Variants in SRSF11 observed in about 807,000 individuals in gnomAD.
The protein encoded by SRSF11 is serine/arginine-rich splicing factor 11.
Under a neutral mutation model 56.0 loss-of-function variants are expected in SRSF11, and 9 were observed. The observed-to-expected ratio is 0.16, with a 90% CI of 0.10 to 0.28. The LOEUF is 0.28. SRSF11 is among the 10% of genes least tolerant of loss of function. The pLI, the probability that SRSF11 is intolerant of heterozygous loss-of-function variation, is 1.00. For missense variants in SRSF11, 421 were observed against 600.7 expected, an observed-to-expected ratio of 0.70 and a Z score of 3.13; for synonymous variants, 222 against 215.3, an observed-to-expected ratio of 1.03 and a Z score of -0.27.
chr1:70,208,525 G>T (rs909499856), intron 1 of SRSF11, among the ~76,000 whole-genome samples: 11 of 152,092 alleles, frequency 7.2e-5, no homozygotes, highest in Non-Finnish European at 1.6e-4. Context: ...TTTAGCAGAG[G>T]CAGGGTTTCG....
At chr1:70,228,979 T>C in intron 2 of SRSF11, 2 of 983,682 alleles carry the variant, frequency 2.0e-6, no homozygotes, top group Non-Finnish European at 2.4e-6. Context: ...TCTTAAAGCT[T>C]CCTCACATTG....
At chr1:70,212,672 C>T (rs1266550007) in intron 1 of SRSF11, among the ~76,000 whole-genome samples, 4 of 152,148 alleles carry the variant, frequency 2.6e-5, no homozygotes, top group Admixed American at 1.3e-4. Context: ...TGGTATAATT[C>T]ATATCTTTAA....
chr1:70,226,842 A>G (rs1016232384), intron 1 of SRSF11, among the ~76,000 whole-genome samples: 12 of 152,212 alleles, frequency 7.9e-5, no homozygotes, highest in African/African-American at 2.9e-4. Context: ...CATTTCTTTA[A>G]GGAGAAATTG....
At chr1:70,230,688 C>A in intron 2 of SRSF11, 1 of 1,230,840 alleles carries the variant, frequency 8.1e-7, no homozygotes, top group Non-Finnish European at 1.0e-6. Context: ...ATCAGAGGAT[C>A]AGATGCATGA....
rs929788962 is a variant in SRSF11 at position 70,229,010 on chromosome 1, A to C, written c.337+455A>C. The stretch of plus-strand genomic sequence containing the variant: ...CATTGATAATCTGGAAAAAAAAAAA[A>C]CACATTGAATTTCAGTATACCAAGG... On this transcript the variant is annotated intron_variant, in intron 2 of 11. Transcript: ENST00000370949. 22 of 980,038 alleles carry C rather than the reference A, an allele frequency of 2.2e-5. No homozygotes were observed. In the South Asian group the frequency reaches 4.3e-4, roughly 19 times the overall value. The allele number at this position is 980,038 out of a possible 1,614,324, so 60.7% of individuals were successfully genotyped here.
chr1:70,239,642 A>G, intron 7 of SRSF11, 122 bp downstream of exon 7: 1 of 666,348 alleles, frequency 1.5e-6, no homozygotes, highest in Middle Eastern at 4.3e-4. Context: ...CTCTGCTGTT[A>G]GAATGTGTGA....
At chr1:70,221,977 G>C in intron 1 of SRSF11, 138 bp downstream of exon 1, 1 of 1,436,010 alleles carries the variant, frequency 7.0e-7, no homozygotes, top group Non-Finnish European at 9.1e-7. Flanking sequence ...ATTTACTTAA[G>C]ACGGTTGTGT....
At chr1:70,214,582 A>G (rs1669839890) in intron 1 of SRSF11, among the ~76,000 whole-genome samples, 2 of 152,166 alleles carry the variant, frequency 1.3e-5, no homozygotes, top group African/African-American at 4.8e-5. Context: ...ATACATATAA[A>G]ATCCTTGCTA....
intron 7 of SRSF11, among the ~76,000 whole-genome samples, chr1:70,241,332 C>T (rs1409089225): frequency 6.6e-6 from 1 of 152,132 alleles, no homozygotes; most frequent in Non-Finnish European, 1.5e-5. Context: ...ATGATCTTTT[C>T]ACTCTGTTTT....
intron 8 of SRSF11, 100 bp downstream of exon 8, chr1:70,244,915 A>G (rs1676389912): frequency 8.5e-7 from 1 of 1,173,360 alleles, no homozygotes; most frequent in East Asian, 2.5e-5. Flanking sequence ...GGGCAGAGAA[A>G]TAGGGCTAGA....
chr1:70,236,064 C>T (rs1020921796), intron 5 of SRSF11, among the ~76,000 whole-genome samples: 4 of 152,068 alleles, frequency 2.6e-5, no homozygotes, highest in Non-Finnish European at 5.9e-5. Flanking sequence ...TATACCTTTT[C>T]CCCTTAACTT....
intron 2 of SRSF11, 118 bp from the exon 3 acceptor site, chr1:70,232,150 G>A (rs569926416): frequency 4.8e-5 from 75 of 1,567,534 alleles, no homozygotes; most frequent in African/African-American, 2.3e-4. Flanking sequence ...GTATTTTAGC[G>A]AACATAAGTA....
chr1:70,250,693 G>T lies in SRSF11; in HGVS notation c.1343G>T (p.Gly448Val). ...KKEEKKPIET[G>V]SPKTKECSVE... ...GAAGAGAAGAAACCAATAGAAACAG[G>T]TTCCCCTAAAACAAAGGAATGTTCT... is the stretch of plus-strand genomic sequence containing the variant. Residue 448 changes from glycine (G) to valine (V), a missense_variant, in exon 12 of 12, where the codon GGT becomes GTT. Physicochemically the swap from Gly to Val is moderately radical, Grantham distance 109. This residue lies in a region of SRSF11 where 253 missense variants were observed against 305.8 expected (regional missense o/e 0.83). Coordinates refer to ENST00000370949, the MANE Select transcript of SRSF11 (RefSeq NM_001350605.2). The T allele has an allele frequency of 6.2e-7, 1 of 1,613,962 alleles. No individual in the cohort carries two copies. The highest frequency in any genetic ancestry group is 1.1e-5 in the South Asian group (1 of 91,066).
At position 70,232,382 on chromosome 1, in the gene SRSF11, TAGTTC is replaced by T; in HGVS notation, c.447+6_447+10del. ...ACTCCTAACCCACTTACCCAGGTAC[TAGTTC>T]TATTGAATTCTTAAAGGGTGGGGAA... On this transcript the variant is annotated splice_donor_region_variant and intron_variant, in intron 3 of 11. Transcript: ENST00000370949. The T allele has an allele frequency of 6.2e-7, 1 of 1,604,866 alleles. No homozygotes were observed. The highest frequency in any genetic ancestry group is 1.3e-5 in the African/African-American group (1 of 74,600).
At chr1:70,231,942 T>TA in intron 2 of SRSF11, 1 of 1,531,776 alleles carries the variant, frequency 6.5e-7, no homozygotes, top group Non-Finnish European at 8.7e-7. Flanking sequence ...TGTGCTTGCT[T>TA]ACGTTTGGTT....
chr1:70,218,318 T>G (rs78506581), upstream of SRSF11, among the ~76,000 whole-genome samples: 351 of 152,334 alleles, frequency 2.3e-3, 2 homozygotes, highest in East Asian at 0.029. Flanking sequence ...TCAGTAATTT[T>G]TTGTTGTTGT....
intron 8 of SRSF11, among the ~76,000 whole-genome samples, chr1:70,245,991 C>T (rs1676654238): frequency 1.3e-5 from 2 of 151,470 alleles, no homozygotes; most frequent in South Asian, 4.2e-4. Context: ...AAGAGGGAAC[C>T]AATGATAAAG....
At chr1:70,226,191 C>CA (rs966796673) in intron 1 of SRSF11, among the ~76,000 whole-genome samples, 92 of 135,536 alleles carry the variant, frequency 6.8e-4, no homozygotes, top group African/African-American at 1.1e-3. Flanking sequence ...AACTCCATCT[C>CA]AAAAAAAAAA....
chr1:70,208,278 T>C (rs1392171809), intron 1 of SRSF11, among the ~76,000 whole-genome samples: 1 of 152,150 alleles, frequency 6.6e-6, no homozygotes, highest in Non-Finnish European at 1.5e-5. Flanking sequence ...CCAATAGATA[T>C]AAACTGACAT....
Sources: allele counts gnomAD v4.1 joint callset (sites outside exome capture counted in the v4.1 genomes callset), GRCh38; gene constraint gnomAD v4.1.1; regional missense constraint gnomAD v4.1.1; transcripts MANE v1.5; gene names NCBI Gene and HGNC (gene_info 2026-07-23, HGNC 2026-07-21).